The following GDNF variants were observed in gnomAD, a reference collection of about 807,000 sequenced individuals.
GDNF encodes glial cell line-derived neurotrophic factor.
Under a neutral mutation model 13.7 loss-of-function variants are expected in GDNF, and 5 were observed. The ratio of observed to expected loss-of-function variants is 0.36; its 90% confidence interval spans 0.19 to 0.77. GDNF has a LOEUF of 0.77. GDNF is among the 30% of genes least tolerant of loss of function. The pLI is 0.51. For missense variants in GDNF, 246 were observed against 274.3 expected (o/e 0.90, Z 0.73); for synonymous variants, 122 against 112.5 (o/e 1.08, Z -0.53).
At chr5:37,830,034 A>G (rs1328468782) in intron 2 of GDNF, among the ~76,000 whole-genome samples, 1 of 152,210 alleles carries the variant, frequency 6.6e-6, no homozygotes, top group Non-Finnish European at 1.5e-5. Flanking sequence ...CAACAGATAG[A>G]TGGTGTTTGT....
chr5:37,836,831 T>A (rs1483797175), intron 1 of GDNF, among the ~76,000 whole-genome samples: 1 of 152,258 alleles, frequency 6.6e-6, no homozygotes, highest in African/African-American at 2.4e-5. Context: ...TTTCCCTTTT[T>A]TCCTGCTTGG....
chr5:37,836,962 C>T (rs1314678839), intron 1 of GDNF, among the ~76,000 whole-genome samples: 1 of 152,232 alleles, frequency 6.6e-6, no homozygotes, highest in Non-Finnish European at 1.5e-5. Flanking sequence ...GGCTGCGGTT[C>T]CCGCCCTCGG....
In GDNF at chr5:37,834,689, G is replaced by A. The variant is rs1260949330; in HGVS notation, c.108C>T (p.Arg36=). The A allele has an allele frequency of 1.2e-6, 2 of 1,608,502 alleles. No homozygotes were observed. Among genetic ancestry groups the A allele is most frequent in the Admixed American group, 3.3e-5 (2 of 59,726 alleles). Residue 36 remains arginine, a synonymous_variant, in exon 2 of 3, where the codon CGC becomes CGT. Coordinates refer to ENST00000326524, the MANE Select transcript of GDNF (RefSeq NM_000514.4). ...KRPPEAPAED[R]SLGRRRAPFA... is the part of the protein sequence containing the mutation. ...AGGGCGCGCGGCGGCGGCCGAGGGAGCGGTCTTCGGCGGGCGCCTCGGGAG... is the reference window on the plus strand; with the variant it reads ...AGGGCGCGCGGCGGCGGCCGAGGGAACGGTCTTCGGCGGGCGCCTCGGGAG...
chr5:37,821,178 T>C (rs948381436), intron 2 of GDNF, among the ~76,000 whole-genome samples: 37 of 152,174 alleles, frequency 2.4e-4, no homozygotes, highest in Non-Finnish European at 4.1e-4. Context: ...TTAATTCTTC[T>C]GCAGAGGCCT....
intron 2 of GDNF, among the ~76,000 whole-genome samples, chr5:37,834,145 C>G (rs1379783192): frequency 6.6e-6 from 1 of 152,258 alleles, no homozygotes; most frequent in African/African-American, 2.4e-5. Flanking sequence ...AATGGAGGCC[C>G]TTCTGTGTTT....
At position 37,816,164 on chromosome 5, in the gene GDNF, C is replaced by T; in HGVS notation, c.152-29G>A. ...TTCAAAAAGAAAAGAGAAAATGGCA[C>T]ATGAGACAAAATGATCATTTCAAGC... On this transcript the variant is annotated intron_variant, in intron 2 of 2. Coordinates refer to ENST00000326524, the MANE Select transcript of GDNF (RefSeq NM_000514.4). 1.9e-6 allele frequency: 3 copies of T among 1,611,670 alleles called. No homozygotes were observed. The South Asian group carries it at 3.3e-5, about 18-fold the overall frequency.
At position 37,815,001 on chromosome 5, in the gene GDNF, C is replaced by G. The variant is rs955944487; in HGVS notation, c.*650G>C. Reference sequence around the variant, plus strand: ...GGTTCCTAGCCAACTTCTTCCCACCCCACACACCGTGATGGAAATCAATCA... The same window carrying G: ...GGTTCCTAGCCAACTTCTTCCCACCGCACACACCGTGATGGAAATCAATCA... On this transcript the variant is annotated 3_prime_UTR_variant, in exon 3 of 3. Coordinates refer to ENST00000326524, the MANE Select transcript of GDNF (RefSeq NM_000514.4). The surrounding 1 kb of genome is among the most constrained non-coding windows in gnomAD (Gnocchi z 5.0). The G allele has an allele frequency of 3.3e-5, 5 of 153,652 alleles. No homozygotes were observed. Among genetic ancestry groups the G allele is most frequent in the African/African-American group, 1.2e-4 (5 of 41,468 alleles). 9.5% of individuals were successfully genotyped at this position (153,652 alleles called of 1,614,324 possible). A position where few individuals can be genotyped will look rare whatever the true frequency, so the allele number is the denominator to read the frequency against.
At chr5:37,827,267 C>G (rs904179476) in intron 2 of GDNF, among the ~76,000 whole-genome samples, 2 of 150,940 alleles carry the variant, frequency 1.3e-5, no homozygotes, top group Non-Finnish European at 2.9e-5. Flanking sequence ...CATATGAACA[C>G]AGACTATCTA....
Position 37,839,997 on chromosome 5 carries a change from C to G in GDNF, c.-517G>C, listed in dbSNP as rs543286033. 4 of 151,094 alleles carry G rather than the reference C, an allele frequency of 2.6e-5. No individual in the cohort carries two copies. Among genetic ancestry groups the G allele is most frequent in the African/African-American group, 9.7e-5 (4 of 41,194 alleles). 9.4% of individuals were successfully genotyped at this position (151,094 alleles called of 1,614,324 possible). ...CCGAACGAGACACCACGTCAACCGG[C>G]GCGGGGAGTCCCGTGAAGACATGAG... On this transcript the variant is annotated 5_prime_UTR_variant, in exon 1 of 3. Coordinates refer to ENST00000326524, the MANE Select transcript of GDNF (RefSeq NM_000514.4). The surrounding 1 kb of genome is among the most constrained non-coding windows in gnomAD (Gnocchi z 5.5).
In GDNF at chr5:37,835,356, T is replaced by C. The variant is rs1430316495; in HGVS notation, c.-26-534A>G. 3.0e-6 allele frequency: 3 copies of C among 985,432 alleles called. No individual in the cohort carries two copies. In the East Asian group the frequency reaches 9.1e-5, roughly 30 times the overall value. The allele number at this position is 985,432 out of a possible 1,614,324, so 61.0% of individuals were successfully genotyped here. On this transcript the variant is annotated intron_variant, in intron 1 of 2. Transcript: ENST00000326524. ...CCCCTGCCTCGGGTCCCAACCGGGCTTCTGGCTAGTCGAGGGCAGGCTCGG... is the reference window on the plus strand; with the variant it reads ...CCCCTGCCTCGGGTCCCAACCGGGCCTCTGGCTAGTCGAGGGCAGGCTCGG...
rs928326839 is a variant in GDNF, at chr5:37,813,624, G to A, written c.*2027C>T. On this transcript the variant is annotated 3_prime_UTR_variant, in exon 3 of 3. Transcript: ENST00000326524. The stretch of plus-strand genomic sequence containing the variant: ...ACTGTCACTTAGGCTGGAGTGCAGT[G>A]GCATGATCACAGCTCACTGCAGCCT... The A allele has an allele frequency of 1.4e-5, 2 of 143,766 alleles. No individual in the cohort carries two copies. The highest frequency in any genetic ancestry group is 5.3e-5 in the African/African-American group (2 of 37,888). 8.9% of individuals were successfully genotyped at this position (143,766 alleles called of 1,614,324 possible). A position where few individuals can be genotyped will look rare whatever the true frequency, so the allele number is the denominator to read the frequency against.
Position 37,813,596 on chromosome 5 carries a change from C to T in GDNF, c.*2055G>A, listed in dbSNP as rs1340614131. 7.9e-6 allele frequency: 1 copy of T among 126,770 alleles called. No homozygotes were observed. The highest frequency in any genetic ancestry group is 1.6e-5 in the Non-Finnish European group (1 of 62,976). 7.9% of individuals were successfully genotyped at this position (126,770 alleles called of 1,614,324 possible). On this transcript the variant is annotated 3_prime_UTR_variant, in exon 3 of 3. Coordinates refer to ENST00000326524, the MANE Select transcript of GDNF (RefSeq NM_000514.4). ...TTTTTTTTTTTTTGAGACAGGGTAC[C>T]GCACTGTCACTTAGGCTGGAGTGCA...
rs1463656045 is a variant in GDNF at position 37,837,010 on chromosome 5, C to G, written c.-26-2188G>C. 6.6e-6 allele frequency among the ~76,000 whole-genome samples: 1 copy of G among 152,204 alleles called. No individual in the cohort carries two copies. Among genetic ancestry groups the G allele is most frequent in the South Asian group, 2.1e-4 (1 of 4,834 alleles). Reference sequence around the variant, plus strand: ...AGCGCCCGGATCGAGCTCCCCTCTTCCCCCGGGACAGGGAGGGCGCATTCT... The same window carrying G: ...AGCGCCCGGATCGAGCTCCCCTCTTGCCCCGGGACAGGGAGGGCGCATTCT... On this transcript the variant is annotated intron_variant, in intron 1 of 2. Coordinates refer to ENST00000326524, the MANE Select transcript of GDNF (RefSeq NM_000514.4). This position sits in a 1 kb window ranked among gnomAD's most constrained non-coding sequence, Gnocchi z 6.5.
At chr5:37,831,582 C>T (rs1332836752) in intron 2 of GDNF, among the ~76,000 whole-genome samples, 2 of 152,194 alleles carry the variant, frequency 1.3e-5, no homozygotes, top group African/African-American at 4.8e-5. Flanking sequence ...GTATCCTCCC[C>T]TTCCCATATA....
intron 2 of GDNF, among the ~76,000 whole-genome samples, chr5:37,825,757 G>C (rs1206264483): frequency 6.6e-6 from 1 of 152,134 alleles, no homozygotes; most frequent in East Asian, 1.9e-4. Context: ...TCTTCCCAGG[G>C]GACCCACTGA....
chr5:37,835,347 C>T, intron 1 of GDNF: 1 of 873,024 alleles, frequency 1.1e-6, no homozygotes. Flanking sequence ...CCTCGGGTCC[C>T]AACCGGGCTT....
At chr5:37,836,300 C>T (rs1024946202) in intron 1 of GDNF, among the ~76,000 whole-genome samples, 1 of 152,128 alleles carries the variant, frequency 6.6e-6, no homozygotes, top group Non-Finnish European at 1.5e-5. Context: ...CGCCTCCATT[C>T]CAGGGTTCCA....
chr5:37,822,301 A>C (rs1266263025), intron 2 of GDNF, among the ~76,000 whole-genome samples: 1 of 152,144 alleles, frequency 6.6e-6, no homozygotes, highest in Non-Finnish European at 1.5e-5. Context: ...CCCAGAGAGA[A>C]GGCTCAGGGG....
At chr5:37,823,421 G>C (rs1193326744) in intron 2 of GDNF, 1 of 152,190 alleles carries the variant, frequency 6.6e-6, no homozygotes, top group African/African-American at 2.4e-5. Flanking sequence ...ACGAACTCAG[G>C]TACGCTAAGT....
Sources: allele counts gnomAD v4.1 joint callset (sites outside exome capture counted in the v4.1 genomes callset), GRCh38; gene constraint gnomAD v4.1.1; non-coding constraint Gnocchi (gnomAD v3.1); transcripts MANE v1.5; gene names NCBI Gene and HGNC (gene_info 2026-07-23, HGNC 2026-07-21).